The following OTOF variants were observed in gnomAD, a reference collection of about 807,000 sequenced individuals.
The protein encoded by OTOF is otoferlin, also known as fer-1-like family member 2.
Under a neutral mutation model 236.8 loss-of-function variants are expected in OTOF, and 218 were observed. That is an observed-to-expected ratio of 0.92 (90% CI 0.82 to 1.03). OTOF has a LOEUF of 1.03. Ranked by LOEUF, OTOF falls within the 50% of genes least tolerant of loss-of-function variation. The pLI is 0.00. For missense variants in OTOF, 2,590 were observed against 2,694.4 expected, an observed-to-expected ratio of 0.96 and a Z score of 0.86; for synonymous variants, 1,041 against 1,072.5, an observed-to-expected ratio of 0.97 and a Z score of 0.57.
chr2:26,514,429 G>A (rs1020370075), intron 5 of OTOF, among the ~76,000 whole-genome samples: 1 of 152,218 alleles, frequency 6.6e-6, no homozygotes, highest in African/African-American at 2.4e-5. Context: ...CAGATTCCTG[G>A]TGCCTAGGGC....
chr2:26,520,720 A>G (rs1666656545), intron 3 of OTOF, among the ~76,000 whole-genome samples: 2 of 152,172 alleles, frequency 1.3e-5, no homozygotes, highest in African/African-American at 4.8e-5. Flanking sequence ...CCTGAGTCTC[A>G]ATTTGGTCTT....
chr2:26,467,477 T>G lies in OTOF; in HGVS notation c.4115A>C (p.Lys1372Thr). Residue 1372 changes from lysine (K) to threonine (T), a missense_variant, in exon 34 of 47, where the codon AAG (lysine) becomes ACG (threonine). By Grantham distance (78) the Lys-to-Thr change is moderately conservative. Transcript: ENST00000272371. ...TEGLKGSMKG[K>T]EKARAAKEEK... ...CTCTTTGGCAGCCCTTGCCTTCTCCTTGCCCTTCATTGACCCCTTCAGGCC... is the reference window on the plus strand; with the variant it reads ...CTCTTTGGCAGCCCTTGCCTTCTCCGTGCCCTTCATTGACCCCTTCAGGCC... The G allele has an allele frequency of 6.2e-7, 1 of 1,613,978 alleles. No individual in the cohort carries two copies. The highest frequency in any genetic ancestry group is 1.7e-5 in the Admixed American group (1 of 60,008).
intron 8 of OTOF, among the ~76,000 whole-genome samples, chr2:26,499,818 T>A (rs1010095297): frequency 5.9e-5 from 9 of 152,216 alleles, no homozygotes; most frequent in Non-Finnish European, 1.3e-4. Context: ...TTATACACTG[T>A]ATGTATTGGA....
intron 25 of OTOF, among the ~76,000 whole-genome samples, chr2:26,475,042 G>A (rs1207144766): frequency 1.3e-5 from 2 of 152,116 alleles, no homozygotes; most frequent in Non-Finnish European, 2.9e-5. Context: ...ACTGGTTGTG[G>A]TAGGTGAGGG....
At chr2:26,505,411 T>G (rs895833027) in intron 5 of OTOF, among the ~76,000 whole-genome samples, 2 of 93,758 alleles carry the variant, frequency 2.1e-5, no homozygotes, top group Admixed American at 1.0e-4. Context: ...GGGAGGTGAG[T>G]TACACACACA....
At position 26,479,313 on chromosome 2, in the gene OTOF, C is replaced by T. The variant is rs779619881; in HGVS notation, c.2165G>A (p.Arg722His). Residue 722 changes from arginine to histidine, a missense_variant, in exon 18 of 47, where the codon CGC (arginine) becomes CAC (histidine). This residue lies in a region of OTOF where 1,379 missense variants were observed against 1,341.6 expected (regional missense o/e 1.03). Transcript: ENST00000272371. ...IYIKSWWPDQ[R>H]RRLYNANIMD... ...GATGTTGGCATTGTAGAGGCGGCGG[C>T]GCTGGTCCGGCCACCAGCTCTTGAT... The T allele has an allele frequency of 8.1e-6, 13 of 1,611,984 alleles. No homozygotes were observed. Among genetic ancestry groups the T allele is most frequent in the African/African-American group, 1.3e-5 (1 of 74,932 alleles).
At chr2:26,536,999 G>A (rs111489404) in intron 2 of OTOF, among the ~76,000 whole-genome samples, 29 of 152,308 alleles carry the variant, frequency 1.9e-4, no homozygotes, top group African/African-American at 5.5e-4. Flanking sequence ...AGAGGGAAGC[G>A]TTGTAAGTCC....
rs79578775 is a variant in OTOF at position 26,543,498 on chromosome 2, G to C, written c.80-5724C>G. ...GAGGGGGCATGGGATAGAGGTTAAG[G>C]CTCTTGGGCCAGAGTCCCTGAGTTC... On this transcript the variant is annotated intron_variant, in intron 1 of 46. Coordinates refer to ENST00000272371, the MANE Select transcript of OTOF (RefSeq NM_194248.3). Among the ~76,000 whole-genome samples, 53 of 152,300 alleles carry C rather than the reference G, an allele frequency of 3.5e-4. 1 individual carries two copies. In the East Asian group the frequency reaches 0.01, roughly 29 times the overall value.
At chr2:26,501,346 C>T (rs1057334517) in intron 8 of OTOF, among the ~76,000 whole-genome samples, 1 of 152,204 alleles carries the variant, frequency 6.6e-6, no homozygotes, top group African/African-American at 2.4e-5. Flanking sequence ...GTCATTACTT[C>T]CAGCAATCAA....
At chr2:26,478,128 G>T in intron 18 of OTOF, 2 of 1,080,302 alleles carry the variant, frequency 1.9e-6, no homozygotes, top group Non-Finnish European at 2.4e-6. Flanking sequence ...GAATGCTGGA[G>T]CCTGTGGCAG....
At chr2:26,524,461 A>T (rs1039233615) in intron 3 of OTOF, among the ~76,000 whole-genome samples, 3 of 152,236 alleles carry the variant, frequency 2.0e-5, no homozygotes, top group African/African-American at 7.2e-5. Flanking sequence ...ATGAGCCGAG[A>T]CTAGGCCACT....
chr2:26,463,932 A>G, intron 40 of OTOF, 32 bp downstream of exon 40: 1 of 1,612,638 alleles, frequency 6.2e-7, no homozygotes, highest in South Asian at 1.1e-5. Flanking sequence ...CCCAATACCC[A>G]AGAACCCCAG....
At chr2:26,487,900 G>T (rs867397701) in intron 11 of OTOF, among the ~76,000 whole-genome samples, 1 of 152,250 alleles carries the variant, frequency 6.6e-6, no homozygotes, top group African/African-American at 2.4e-5. Context: ...TGGCATGTGT[G>T]GGGTGGTGGC....
chr2:26,510,001 C>A (rs532371315), intron 5 of OTOF, among the ~76,000 whole-genome samples: 1 of 152,264 alleles, frequency 6.6e-6, no homozygotes, highest in African/African-American at 2.4e-5. Flanking sequence ...ATGCTAGAGT[C>A]CTCCAGATGT....
At chr2:26,498,286 G>A (rs1367195765) in intron 8 of OTOF, among the ~76,000 whole-genome samples, 2 of 152,192 alleles carry the variant, frequency 1.3e-5, no homozygotes, top group African/African-American at 2.4e-5. Context: ...AAGGAGCAAC[G>A]GAGGGAAGAG....
At chr2:26,489,122 C>T (rs1365720511) in intron 11 of OTOF, 89 bp downstream of exon 11, 14 of 955,922 alleles carry the variant, frequency 1.5e-5, no homozygotes, top group Non-Finnish European at 2.3e-5. Context: ...CAGCCTTTTC[C>T]CAGGAACTGC....
At chr2:26,543,114 T>G (rs989631825) in intron 1 of OTOF, among the ~76,000 whole-genome samples, 2 of 152,132 alleles carry the variant, frequency 1.3e-5, no homozygotes, top group African/African-American at 4.8e-5. Flanking sequence ...GCGTCTCCTC[T>G]CCCTCTCTTC....
Position 26,472,583 on chromosome 2 carries a change from A to G in OTOF, c.3800T>C (p.Val1267Ala). ...GGSSSHSTGE[V>A]VVTMEPEVPI... ...TACCTCTGGCTCCATAGTCACCACA[A>G]CCTCCCCTGTGGAGTGAGAGGAGGA... The change falls in exon 30 of 47, where the codon GTT becomes GCT. Residue 1267 changes from valine (V) to alanine (A), a missense_variant. Val to Ala is a moderately conservative substitution (Grantham distance 64). Around this residue, in one of 2 missense-constraint regions of OTOF, gnomAD observed 1,211 missense variants for 1,352.8 expected, o/e 0.90. Coordinates refer to ENST00000272371, the MANE Select transcript of OTOF (RefSeq NM_194248.3). 1 of 1,613,002 alleles carries G rather than the reference A, an allele frequency of 6.2e-7. No homozygotes were observed. The highest frequency in any genetic ancestry group is 8.5e-7 in the Non-Finnish European group (1 of 1,179,850).
chr2:26,489,306 G>A lies in OTOF; in HGVS notation c.961-11C>T. On this transcript the variant is annotated splice_polypyrimidine_tract_variant and intron_variant, in intron 10 of 46. Transcript: ENST00000272371. Reference sequence around the variant, plus strand: ...CTTGGAGTGAATCACCTTTCAGGCAGAACCACAGCCCACCCGTCAGGCCCA... The same window carrying A: ...CTTGGAGTGAATCACCTTTCAGGCAAAACCACAGCCCACCCGTCAGGCCCA... 1 of 1,605,914 alleles carries A rather than the reference G, an allele frequency of 6.2e-7. No homozygotes were observed.
Sources: allele counts gnomAD v4.1 joint callset (sites outside exome capture counted in the v4.1 genomes callset), GRCh38; gene constraint gnomAD v4.1.1; regional missense constraint gnomAD v4.1.1; transcripts MANE v1.5; gene names NCBI Gene and HGNC (gene_info 2026-07-23, HGNC 2026-07-21).